SUN1: variants seen among roughly 807,000 people sequenced by gnomAD.
SUN1 encodes SUN domain-containing protein 1.
A neutral mutation model predicts 103.2 loss-of-function variants in SUN1; 61 were observed. The observed-to-expected ratio is 0.59, with a 90% CI of 0.48 to 0.73. The LOEUF is 0.73. Among genes scored for constraint, SUN1 ranks in the 30% least tolerant of loss-of-function variants. The pLI, the probability that SUN1 is intolerant of heterozygous loss-of-function variation, is 0.00. For missense variants in SUN1, 1,052 were observed against 1,034.6 expected, an observed-to-expected ratio of 1.02 and a Z score of -0.23; for synonymous variants, 490 against 425.7, an observed-to-expected ratio of 1.15 and a Z score of -1.86.
intron 2 of SUN1, 105 bp downstream of exon 2, chr7:839,091 A>T (rs1245163212): frequency 8.1e-7 from 1 of 1,235,992 alleles, no homozygotes; most frequent in Admixed American, 2.9e-5. Context: ...GAGCTTAAGG[A>T]TATGTGTGTG....
rs377639696 is a variant in SUN1, at chr7:858,672, C to G, written c.1524+715C>G. On this transcript the variant is annotated intron_variant, in intron 13 of 18. Coordinates refer to ENST00000401592, the MANE Select transcript of SUN1 (RefSeq NM_001130965.3). ...ATAGACATTGCTTCAAGTCCATCAT[C>G]CTTAGGCAGAGGAGAAAATCTAGAC... is the stretch of plus-strand genomic sequence containing the variant. Among the ~76,000 whole-genome samples, 5 of 152,204 alleles carry G rather than the reference C, an allele frequency of 3.3e-5. No homozygotes were observed. In the East Asian group the frequency reaches 9.6e-4, roughly 29 times the overall value.
upstream of SUN1, chr7:832,003 TG>T: frequency 1.0e-6 from 1 of 985,986 alleles, no homozygotes; most frequent in South Asian, 4.7e-5. Flanking sequence ...TAAGCTTTTT[TG>T]TTATTCACCC....
intron 15 of SUN1, among the ~76,000 whole-genome samples, chr7:863,632 C>G (rs1227638956): frequency 6.6e-6 from 1 of 152,206 alleles, no homozygotes. Context: ...AGCTAGAAAC[C>G]CTGTGCCGCA....
intron 11 of SUN1, among the ~76,000 whole-genome samples, chr7:855,285 G>A (rs965750779): frequency 2.0e-5 from 3 of 152,256 alleles, no homozygotes; most frequent in Non-Finnish European, 4.4e-5. Flanking sequence ...CGGCCTCTGG[G>A]TTCCCATCCA....
chr7:817,053 G>T, intron 1 of SUN1: 1 of 178,446 alleles, frequency 5.6e-6, no homozygotes, highest in Non-Finnish European at 1.2e-5. Context: ...CCTCGGCCCG[G>T]GCTGCCCGCC....
intron 1 of SUN1, among the ~76,000 whole-genome samples, chr7:822,233 AATTT>A (rs1487194791): frequency 6.6e-6 from 1 of 152,176 alleles, no homozygotes; most frequent in African/African-American, 2.4e-5. Context: ...CATCTCTTGT[AATTT>A]ATTAGTCAGT....
chr7:852,775 G>A, intron 8 of SUN1, 35 bp from the exon 9 acceptor site: 1 of 1,611,568 alleles, frequency 6.2e-7, no homozygotes, highest in Non-Finnish European at 8.5e-7. Flanking sequence ...GAAGCGTGGT[G>A]TACCTGTGTG....
chr7:832,113 T>C, upstream of SUN1: 1 of 1,019,002 alleles, frequency 9.8e-7, no homozygotes, highest in South Asian at 4.1e-5. Context: ...TAGTTCTATT[T>C]TAGTTAGTAA....
chr7:826,839 C>A (rs1182223691), intron 1 of SUN1, among the ~76,000 whole-genome samples: 1 of 152,140 alleles, frequency 6.6e-6, no homozygotes, highest in Admixed American at 6.5e-5. Context: ...CAGGAGATCC[C>A]ATTGTTCATG....
At chr7:856,255 A>AG in intron 11 of SUN1, 103 bp from the exon 12 acceptor site, 1 of 1,195,560 alleles carries the variant, frequency 8.4e-7, no homozygotes. Flanking sequence ...TTTGAATTAA[A>AG]GGGGGTATTC....
intron 5 of SUN1, chr7:849,761 C>T (rs975214677): frequency 8.2e-6 from 9 of 1,098,488 alleles, no homozygotes; most frequent in African/African-American, 1.5e-5. Flanking sequence ...GCCCTCATCA[C>T]AGAAGCTCAT....
chr7:826,754 A>G (rs1399327531), intron 1 of SUN1, among the ~76,000 whole-genome samples: 1 of 152,210 alleles, frequency 6.6e-6, no homozygotes, highest in Non-Finnish European at 1.5e-5. Context: ...GTTAGTCCAC[A>G]TCGTCAGTGA....
At chr7:860,063 G>A (rs1831012661) in intron 13 of SUN1, 65 bp from the exon 14 acceptor site, 3 of 1,573,710 alleles carry the variant, frequency 1.9e-6, no homozygotes. Flanking sequence ...CTAAGATAAT[G>A]GACCCGAACA....
chr7:822,735 G>A (rs907777131), intron 1 of SUN1, among the ~76,000 whole-genome samples: 9 of 152,188 alleles, frequency 5.9e-5, no homozygotes, highest in African/African-American at 2.2e-4. Context: ...ATGTAAGACC[G>A]TGAGACTGCT....
rs772437815 is a variant in SUN1 at position 853,720 on chromosome 7, T to C, written c.1263+102T>C. 7.8e-4 allele frequency: 1,022 copies of C among 1,309,264 alleles called. 1 individual carries two copies. Among genetic ancestry groups the C allele is most frequent in the Non-Finnish European group, 9.7e-4 (924 of 954,430 alleles). The allele number at this position is 1,309,264 out of a possible 1,614,324, so 81.1% of individuals were successfully genotyped here. ...ACAGAGGGGACAGGAGAGGTGCCGT[T>C]GTGAAAAGGGGTTGCCCTTTCTGTT... is the stretch of plus-strand genomic sequence containing the variant. On this transcript the variant is annotated intron_variant, in intron 10 of 18. Coordinates refer to ENST00000401592, the MANE Select transcript of SUN1 (RefSeq NM_001130965.3).
At chr7:865,447 T>C (rs1835701469) in intron 15 of SUN1, among the ~76,000 whole-genome samples, 1 of 152,146 alleles carries the variant, frequency 6.6e-6, no homozygotes. Context: ...TAGTACTCCA[T>C]TGTGTATATG....
intron 5 of SUN1, among the ~76,000 whole-genome samples, chr7:845,664 C>A (rs968488337): frequency 6.6e-6 from 1 of 152,146 alleles, no homozygotes; most frequent in African/African-American, 2.4e-5. Flanking sequence ...ATTGTCCCTC[C>A]ACATTTTGTT....
rs558116516 is a variant in SUN1 at position 857,814 on chromosome 7, C to T, written c.1395-14C>T. 1.1e-5 allele frequency: 18 copies of T among 1,568,220 alleles called. No individual in the cohort carries two copies. Among genetic ancestry groups the T allele is most frequent in the Non-Finnish European group, 1.5e-5 (17 of 1,150,376 alleles). The stretch of plus-strand genomic sequence containing the variant: ...GAGGCTTGTGTGTGACCCATTCTCA[C>T]TGTTGGATTCCAGTGCGGTTGGTGA... On this transcript the variant is annotated splice_polypyrimidine_tract_variant and intron_variant, in intron 12 of 18. Coordinates refer to ENST00000401592, the MANE Select transcript of SUN1 (RefSeq NM_001130965.3).
intron 1 of SUN1, among the ~76,000 whole-genome samples, chr7:823,596 G>A (rs1436460938): frequency 6.6e-6 from 1 of 152,192 alleles, no homozygotes; most frequent in Non-Finnish European, 1.5e-5. Context: ...GGGAGAAGTA[G>A]CAGCATTTGC....
Sources: gnomAD v4.1 joint callset for allele counts (sites outside exome capture counted in the v4.1 genomes callset) on GRCh38, gnomAD v4.1.1 for gene constraint, MANE v1.5 for transcripts, NCBI Gene and HGNC (gene_info 2026-07-23, HGNC 2026-07-21) for gene names.